The following PRKCA variants were observed in gnomAD, a reference collection of about 807,000 sequenced individuals.
PRKCA encodes protein kinase C alpha, also known as protein kinase C alpha type.
In PRKCA, 27 loss-of-function variants were observed where a neutral mutation model predicts 87.0. The ratio of observed to expected loss-of-function variants is 0.31; its 90% CI spans 0.23 to 0.43. The LOEUF (loss-of-function observed/expected upper bound fraction) is 0.43, where lower values mean the gene tolerates loss of function less well. Ranked by LOEUF, PRKCA falls within the 20% of genes least tolerant of loss-of-function variation. PRKCA has a pLI of 1.00. For synonymous variants in PRKCA, 329 were observed against 311.1 expected (o/e 1.06, Z -0.61); for missense variants, 518 against 852.3 (o/e 0.61, Z 4.88).
At chr17:66,305,962 G>GT (rs1162529605) in intron 1 of PRKCA, 134 bp from the exon 2 acceptor site, 10 of 826,740 alleles carry the variant, frequency 1.2e-5, no homozygotes, top group South Asian at 3.1e-5. Context: ...ATTTAGGTAT[G>GT]TTTTTTTCTA....
chr17:66,552,987 C>CT lies in PRKCA; in HGVS notation c.288+56716dup, dbSNP rs765136264. Among the ~76,000 whole-genome samples, 804 of 97,084 alleles carry CT rather than the reference C, an allele frequency of 8.3e-3. 12 individuals are homozygous for CT. The East Asian group carries it at 0.11, about 13-fold the overall frequency. 63.7% of individuals were successfully genotyped at this position (97,084 alleles called of 152,430 possible). On this transcript the variant is annotated intron_variant, in intron 3 of 16. Transcript: ENST00000413366. ...CATTTTATAAAAATCTGAATATTTT[C>CT]TTTTTTTTTTTTGAGACAGAGTCTC...
chr17:66,508,925 C>A (rs979401029), intron 3 of PRKCA, among the ~76,000 whole-genome samples: 1 of 152,192 alleles, frequency 6.6e-6, no homozygotes, highest in Non-Finnish European at 1.5e-5. Flanking sequence ...TCACTCACAG[C>A]GGCCTCACTG....
At chr17:66,652,975 G>A (rs964474756) in intron 5 of PRKCA, among the ~76,000 whole-genome samples, 6 of 152,224 alleles carry the variant, frequency 3.9e-5, no homozygotes, top group African/African-American at 1.4e-4. Context: ...CTGAGGCTGG[G>A]CCCAGAAGCC....
intron 13 of PRKCA, among the ~76,000 whole-genome samples, chr17:66,743,847 G>A (rs1974210732): frequency 6.6e-6 from 1 of 152,178 alleles, no homozygotes; most frequent in African/African-American, 2.4e-5. Context: ...AGTGAAAAAG[G>A]CACCCACAAG....
At chr17:66,543,409 G>A (rs988522369) in intron 3 of PRKCA, among the ~76,000 whole-genome samples, 1 of 152,190 alleles carries the variant, frequency 6.6e-6, no homozygotes, top group Non-Finnish European at 1.5e-5. Flanking sequence ...AAGTTATTGT[G>A]AGGTCTGGCT....
chr17:66,328,890 A>G (rs1274236128), intron 2 of PRKCA, among the ~76,000 whole-genome samples: 2 of 152,242 alleles, frequency 1.3e-5, no homozygotes, highest in African/African-American at 2.4e-5. Context: ...AGAGGTAGGC[A>G]GGAGCCACCT....
At chr17:66,766,137 G>A (rs1176066379) in intron 13 of PRKCA, among the ~76,000 whole-genome samples, 2 of 152,198 alleles carry the variant, frequency 1.3e-5, no homozygotes, top group East Asian at 1.9e-4. Flanking sequence ...GTGCTGTCAC[G>A]AGAAAAACGA....
rs139432236 is a variant in PRKCA, at chr17:66,755,246, C to G, written c.1524+12486C>G. ...GCAGAAAATCGCACCCCACGCCCCC[C>G]CAGTGCACATTCCAGACTTGGAGAA... is the stretch of plus-strand genomic sequence containing the variant. On this transcript the variant is annotated intron_variant, in intron 13 of 16. Transcript: ENST00000413366. Among the ~76,000 whole-genome samples the G allele has an allele frequency of 5.4e-4, 82 of 152,344 alleles. 1 individual carries two copies. Among genetic ancestry groups the G allele is most frequent in the Non-Finnish European group, 8.5e-4 (58 of 68,034 alleles).
At chr17:66,590,095 T>G (rs546801149) in intron 3 of PRKCA, among the ~76,000 whole-genome samples, 1 of 152,104 alleles carries the variant, frequency 6.6e-6, no homozygotes, top group Admixed American at 6.5e-5. Context: ...GTCCATGGCC[T>G]GGGGGTTGGG....
chr17:66,609,394 A>T (rs548553150), intron 3 of PRKCA, among the ~76,000 whole-genome samples: 1 of 152,198 alleles, frequency 6.6e-6, no homozygotes, highest in Admixed American at 6.5e-5. Context: ...ATGCGTGTCT[A>T]TATGAAGCAG....
At chr17:66,606,500 G>A (rs181072797) in intron 3 of PRKCA, among the ~76,000 whole-genome samples, 1,727 of 152,254 alleles carry the variant, frequency 0.011, 21 homozygotes, top group Middle Eastern at 0.02. Flanking sequence ...AGATAAACTG[G>A]CAAAATAATT....
chr17:66,305,540 T>C (rs922304456), intron 1 of PRKCA, among the ~76,000 whole-genome samples: 12 of 152,224 alleles, frequency 7.9e-5, no homozygotes, highest in African/African-American at 2.9e-4. Context: ...TAGATCGTGG[T>C]CATCTCAAAT....
chr17:66,546,778 C>A (rs1268639986), intron 3 of PRKCA, among the ~76,000 whole-genome samples: 1 of 152,108 alleles, frequency 6.6e-6, no homozygotes, highest in African/African-American at 2.4e-5. Context: ...CAATACGACC[C>A]GCAGCATTAG....
intron 2 of PRKCA, among the ~76,000 whole-genome samples, chr17:66,452,813 G>A (rs58320576): frequency 0.014 from 2,170 of 152,324 alleles, 51 homozygotes; most frequent in African/African-American, 0.049. Context: ...GCAGTGAGCC[G>A]AGATGGCACC....
rs1371398205 is a variant in PRKCA at position 66,587,887 on chromosome 17, G to GTA, written c.289-53467_289-53466insAT. Reference sequence around the variant, plus strand: ...CATATGTATGTGTGTGTGTGTGTGTGTGTGTGTGTATATATATATATATAT... The same window carrying GTA: ...CATATGTATGTGTGTGTGTGTGTGTGTATGTGTGTGTATATATATATATATAT... On this transcript the variant is annotated intron_variant, in intron 3 of 16. Transcript: ENST00000413366. Among the ~76,000 whole-genome samples the GTA allele has an allele frequency of 3.0e-3, 299 of 98,980 alleles. 16 individuals are homozygous for GTA. The highest frequency in any genetic ancestry group is 4.5e-3 in the Middle Eastern group (1 of 224). The allele number at this position is 98,980 out of a possible 152,430, so 64.9% of individuals were successfully genotyped here.
chr17:66,481,406 C>T (rs1201211496), intron 2 of PRKCA, among the ~76,000 whole-genome samples: 5 of 152,132 alleles, frequency 3.3e-5, no homozygotes, highest in South Asian at 2.1e-4. Flanking sequence ...TATATGACAA[C>T]GACTCTTCAG....
intron 2 of PRKCA, among the ~76,000 whole-genome samples, chr17:66,409,387 G>A (rs576073249): frequency 6.6e-6 from 1 of 152,280 alleles, no homozygotes; most frequent in African/African-American, 2.4e-5. Context: ...TGTGGACCAT[G>A]TCTGTTCCAT....
chr17:66,427,136 A>G (rs2143816785), intron 2 of PRKCA, among the ~76,000 whole-genome samples: 1 of 152,120 alleles, frequency 6.6e-6, no homozygotes, highest in African/African-American at 2.4e-5. Flanking sequence ...GGCTCAAGTG[A>G]TCCTCCCACC....
intron 2 of PRKCA, among the ~76,000 whole-genome samples, chr17:66,460,181 G>A (rs1567840601): frequency 6.6e-6 from 1 of 152,118 alleles, no homozygotes; most frequent in Non-Finnish European, 1.5e-5. Context: ...ATTGAATTCC[G>A]CCTATGAAAT....
Sources: allele counts gnomAD v4.1 joint callset (sites outside exome capture counted in the v4.1 genomes callset), GRCh38; gene constraint gnomAD v4.1.1; transcripts MANE v1.5; gene names NCBI Gene and HGNC (gene_info 2026-07-23, HGNC 2026-07-21).